Variants in HACE1 observed in about 807,000 individuals in gnomAD.
HACE1 encodes the protein E3 ubiquitin-protein ligase HACE1.
In HACE1, 73 loss-of-function variants were observed where a neutral mutation model predicts 118.4. The ratio of observed to expected loss-of-function variants is 0.62; its 90% CI spans 0.51 to 0.75. HACE1 has a LOEUF of 0.75. Ranked by LOEUF, HACE1 falls within the 30% of genes least tolerant of loss-of-function variation. HACE1 has a pLI of 0.00. For missense variants in HACE1, 749 were observed against 1,102.2 expected, an observed-to-expected ratio of 0.68 and a Z score of 4.54; for synonymous variants, 368 against 374.8, an observed-to-expected ratio of 0.98 and a Z score of 0.21.
chr6:104,731,698 T>G (rs558269351), intron 22 of HACE1: 2 of 152,084 alleles, frequency 1.3e-5, no homozygotes, highest in African/African-American at 4.8e-5. Context: ...TACTTTACAC[T>G]AAGTTACTTA....
At chr6:104,792,717 A>C (rs2400052) in intron 10 of HACE1, among the ~76,000 whole-genome samples, 36,783 of 152,062 alleles carry the variant, frequency 0.24, 4,767 homozygotes, top group African/African-American at 0.34. Flanking sequence ...TGGCAAACTG[A>C]AAAACTGCAT....
chr6:104,764,856 T>A (rs1194755452), intron 19 of HACE1, among the ~76,000 whole-genome samples: 2 of 152,300 alleles, frequency 1.3e-5, no homozygotes, highest in African/African-American at 4.8e-5. Flanking sequence ...AGTCACACAT[T>A]TGCTCGTCAC....
At chr6:104,788,170 T>C (rs1228200283) in intron 11 of HACE1, among the ~76,000 whole-genome samples, 1 of 152,150 alleles carries the variant, frequency 6.6e-6, no homozygotes, top group East Asian at 1.9e-4. Flanking sequence ...CTATATCTGA[T>C]ACTTTCTATA....
intron 22 of HACE1, among the ~76,000 whole-genome samples, chr6:104,738,015 C>T (rs1351723494): frequency 6.6e-6 from 1 of 152,172 alleles, no homozygotes; most frequent in Non-Finnish European, 1.5e-5. Flanking sequence ...GGGTCCCTGA[C>T]CCCCGAGCAG....
intron 22 of HACE1, among the ~76,000 whole-genome samples, chr6:104,741,468 G>C (rs925209453): frequency 1.4e-5 from 2 of 146,964 alleles, no homozygotes; most frequent in African/African-American, 2.6e-5. Flanking sequence ...AAAGTCTCAG[G>C]ATACAAAATC....
chr6:104,847,386 A>C (rs1775763100), intron 4 of HACE1, among the ~76,000 whole-genome samples: 1 of 152,258 alleles, frequency 6.6e-6, no homozygotes, highest in African/African-American at 2.4e-5. Context: ...TCAGCAAGGG[A>C]ATGAATGATT....
rs1227173458 is a variant in HACE1, at chr6:104,827,896, G to A, written c.534+5146C>T. 2.0e-5 allele frequency among the ~76,000 whole-genome samples: 3 copies of A among 151,956 alleles called. No homozygotes were observed. In the East Asian group the frequency reaches 5.8e-4, roughly 29 times the overall value. On this transcript the variant is annotated intron_variant, in intron 6 of 23. Transcript: ENST00000262903. ...ACTATCATTTTATGTTGTTTGTGAA[G>A]CTTTGTATTTAGTTACATAAACTTA...
intron 4 of HACE1, among the ~76,000 whole-genome samples, chr6:104,843,862 C>T (rs960396074): frequency 2.0e-5 from 3 of 151,212 alleles, no homozygotes; most frequent in Non-Finnish European, 4.4e-5. Flanking sequence ...ATAAAATTTG[C>T]CATCATAACT....
chr6:104,797,091 T>C (rs1275910216), intron 7 of HACE1, 66 bp from the exon 8 acceptor site: 21 of 875,258 alleles, frequency 2.4e-5, no homozygotes, highest in Non-Finnish European at 4.1e-5. Context: ...GAATTATGGA[T>C]AGTTAATATG....
intron 7 of HACE1, among the ~76,000 whole-genome samples, chr6:104,807,771 T>C (rs1771174842): frequency 6.6e-6 from 1 of 152,182 alleles, no homozygotes; most frequent in African/African-American, 2.4e-5. Context: ...TTATATAGTT[T>C]ACATGAGTTA....
At chr6:104,851,393 C>G (rs566679015) in intron 2 of HACE1, among the ~76,000 whole-genome samples, 10 of 152,136 alleles carry the variant, frequency 6.6e-5, no homozygotes, top group African/African-American at 1.2e-4. Context: ...AGCTATTCTT[C>G]TGATTCTTCA....
intron 6 of HACE1, among the ~76,000 whole-genome samples, chr6:104,830,342 T>A (rs928885526): frequency 6.6e-6 from 1 of 152,018 alleles, no homozygotes; most frequent in East Asian, 1.9e-4. Flanking sequence ...TAAAAACTAA[T>A]GAGAAGAATA....
intron 19 of HACE1, among the ~76,000 whole-genome samples, chr6:104,769,652 C>T (rs980614150): frequency 1.3e-5 from 2 of 152,104 alleles, no homozygotes; most frequent in African/African-American, 4.8e-5. Context: ...TCTTCCTCGA[C>T]ACAATTAATT....
At chr6:104,833,622 T>C (rs184340092) in intron 5 of HACE1, among the ~76,000 whole-genome samples, 102 of 152,260 alleles carry the variant, frequency 6.7e-4, no homozygotes, top group African/African-American at 2.1e-3. Flanking sequence ...GGCAAGAGGA[T>C]TGCTTGAAGC....
intron 22 of HACE1, among the ~76,000 whole-genome samples, chr6:104,735,489 T>C (rs1009577437): frequency 2.4e-4 from 36 of 151,888 alleles, no homozygotes; most frequent in African/African-American, 8.2e-4. Context: ...AAATTAGCCA[T>C]GCATGGTGGC....
At chr6:104,823,692 AT>A (rs34958689) in intron 6 of HACE1, among the ~76,000 whole-genome samples, 1 of 152,084 alleles carries the variant, frequency 6.6e-6, no homozygotes. Flanking sequence ...GTATAAAGGA[AT>A]TTTAAAGAAT....
chr6:104,843,660 A>C (rs1386920768), intron 4 of HACE1, among the ~76,000 whole-genome samples: 1 of 152,200 alleles, frequency 6.6e-6, no homozygotes, highest in East Asian at 1.9e-4. Context: ...GATAGAGAAA[A>C]ATGATGTCTC....
intron 22 of HACE1, among the ~76,000 whole-genome samples, chr6:104,739,311 T>G (rs1301866918): frequency 2.0e-5 from 3 of 152,034 alleles, no homozygotes; most frequent in African/African-American, 7.3e-5. Flanking sequence ...AATTCACACA[T>G]AACAATATTA....
At chr6:104,844,501 G>A (rs956097897) in intron 4 of HACE1, among the ~76,000 whole-genome samples, 2 of 151,072 alleles carry the variant, frequency 1.3e-5, no homozygotes, top group Non-Finnish European at 2.9e-5. Context: ...GCACCACCAC[G>A]CCAGGCTAAT....
Sources: gnomAD v4.1 joint callset for allele counts (sites outside exome capture counted in the v4.1 genomes callset) on GRCh38, gnomAD v4.1.1 for gene constraint, MANE v1.5 for transcripts, NCBI Gene and HGNC (gene_info 2026-07-23, HGNC 2026-07-21) for gene names.